The following MED13L variants were observed in gnomAD, a reference collection of about 807,000 sequenced individuals.
MED13L encodes mediator complex subunit 13L, also known as mediator of RNA polymerase II transcription subunit 13-like.
In MED13L, 7 loss-of-function variants were observed where a neutral mutation model predicts 220.9. The observed-to-expected ratio is 0.03, with a 90% confidence interval of 0.02 to 0.06. The LOEUF is 0.06. MED13L is among the 10% of genes least tolerant of loss of function. The probability of loss-of-function intolerance (pLI) is 1.00; values close to 1 mark genes in which losing one functional copy is unlikely to be tolerated. For missense variants in MED13L, 1,965 were observed against 2,760.5 expected (o/e 0.71, Z 6.46); for synonymous variants, 1,011 against 1,015.2 (o/e 1.00, Z 0.08).
intron 1 of MED13L, among the ~76,000 whole-genome samples, chr12:116,243,079 C>G (rs895670028): frequency 1.2e-4 from 19 of 152,182 alleles, no homozygotes; most frequent in African/African-American, 4.1e-4. Context: ...TTTTATTTCA[C>G]TCAGATAATT....
intron 2 of MED13L, among the ~76,000 whole-genome samples, chr12:116,128,176 G>A (rs1001462380): frequency 1.3e-5 from 2 of 152,106 alleles, no homozygotes; most frequent in African/African-American, 2.4e-5. Context: ...ATGTCAGCAC[G>A]ATATGTACAA....
intron 2 of MED13L, among the ~76,000 whole-genome samples, chr12:116,207,046 CTAGG>C (rs940302631): frequency 3.2e-4 from 48 of 152,162 alleles, no homozygotes; most frequent in African/African-American, 1.1e-3. Flanking sequence ...AAGAAAATCT[CTAGG>C]TATACGAATA....
chr12:116,024,716 G>T (rs1880263708), intron 4 of MED13L, among the ~76,000 whole-genome samples: 1 of 133,610 alleles, frequency 7.5e-6, no homozygotes, highest in Non-Finnish European at 1.5e-5. Context: ...CAATGAATGT[G>T]AAGAAGGATT....
At chr12:116,213,698 C>G (rs1477220453) in intron 2 of MED13L, among the ~76,000 whole-genome samples, 1 of 152,226 alleles carries the variant, frequency 6.6e-6, no homozygotes, top group Non-Finnish European at 1.5e-5. Context: ...CAGGCGTGAG[C>G]CACCGCATCC....
At chr12:116,031,761 AAGGAAGGAAGG>A (rs572729618) in intron 4 of MED13L, among the ~76,000 whole-genome samples, 2 of 123,832 alleles carry the variant, frequency 1.6e-5, no homozygotes, top group South Asian at 2.7e-4. Flanking sequence ...AAAAGAAAAG[AAGGAAGGAAGG>A]AAGGAAGGAA....
chr12:116,271,204 C>G (rs190734239), intron 1 of MED13L, among the ~76,000 whole-genome samples: 9 of 149,674 alleles, frequency 6.0e-5, no homozygotes, highest in Non-Finnish European at 1.0e-4. Flanking sequence ...GAAACAAATA[C>G]GTGTGTGTGT....
intron 2 of MED13L, among the ~76,000 whole-genome samples, chr12:116,113,610 C>A (rs1874268643): frequency 6.7e-6 from 1 of 150,006 alleles, no homozygotes; most frequent in African/African-American, 2.5e-5. Flanking sequence ...AAGCCATGAT[C>A]ATGCCACCAC....
chr12:116,000,274 A>G (rs1304805825), intron 14 of MED13L, among the ~76,000 whole-genome samples: 2 of 152,212 alleles, frequency 1.3e-5, no homozygotes, highest in Non-Finnish European at 2.9e-5. Flanking sequence ...TGGTCCTCCA[A>G]AATAGAAACA....
chr12:116,025,958 T>C (rs554500219), intron 4 of MED13L, among the ~76,000 whole-genome samples: 28 of 152,302 alleles, frequency 1.8e-4, no homozygotes, highest in South Asian at 4.1e-4. Context: ...AAGCATCACT[T>C]TGTAGCTCAT....
At chr12:116,215,906 ATTCTC>A (rs1025890865) in intron 2 of MED13L, among the ~76,000 whole-genome samples, 2 of 152,088 alleles carry the variant, frequency 1.3e-5, no homozygotes, top group East Asian at 1.9e-4. Flanking sequence ...TGTTCACCTA[ATTCTC>A]TTCTCAAGAC....
chr12:116,012,731 A>C (rs1879490725), intron 9 of MED13L, 66 bp downstream of exon 9: 1 of 1,110,390 alleles, frequency 9.0e-7, no homozygotes, highest in Admixed American at 1.7e-5. Context: ...CTGTGAGGCC[A>C]GGAGATGAAT....
At chr12:116,276,370 TAGAGAA>T in intron 1 of MED13L, 2 of 1,016,756 alleles carry the variant, frequency 2.0e-6, no homozygotes, top group South Asian at 2.7e-5. Flanking sequence ...GTTGTTAGGA[TAGAGAA>T]AAACAGTTTT....
At chr12:116,016,360 A>G (rs1477146672) in intron 7 of MED13L, among the ~76,000 whole-genome samples, 4 of 152,174 alleles carry the variant, frequency 2.6e-5, no homozygotes, top group Non-Finnish European at 5.9e-5. Flanking sequence ...CTTTCCGATA[A>G]AAGTATTACT....
chr12:116,259,196 G>A (rs1429443815), intron 1 of MED13L, among the ~76,000 whole-genome samples: 1 of 152,104 alleles, frequency 6.6e-6, no homozygotes, highest in Non-Finnish European at 1.5e-5. Flanking sequence ...TAATAAAAAT[G>A]AGTAAACTAT....
intron 14 of MED13L, among the ~76,000 whole-genome samples, chr12:115,998,457 T>TACCC (rs1878541507): frequency 6.6e-6 from 1 of 152,246 alleles, no homozygotes; most frequent in Non-Finnish European, 1.5e-5. Flanking sequence ...TGCTCACGGC[T>TACCC]ACCCAGTCCA....
chr12:116,215,553 G>A (rs1882942381), intron 2 of MED13L, among the ~76,000 whole-genome samples: 1 of 152,124 alleles, frequency 6.6e-6, no homozygotes, highest in African/African-American at 2.4e-5. Context: ...AAAGTGCTGG[G>A]ATCGTATCTT....
intron 2 of MED13L, among the ~76,000 whole-genome samples, chr12:116,210,109 A>G (rs1882595538): frequency 6.6e-6 from 1 of 152,176 alleles, no homozygotes; most frequent in African/African-American, 2.4e-5. Context: ...GAGATAAAAC[A>G]TTGTGGGAAA....
intron 2 of MED13L, among the ~76,000 whole-genome samples, chr12:116,196,331 T>C (rs8181760): frequency 0.015 from 2,267 of 152,086 alleles, 112 homozygotes; most frequent in Admixed American, 0.087. Context: ...CTCTGGGTGT[T>C]TCCACAGAGC....
In MED13L at chr12:115,996,543, C is replaced by G; in HGVS notation, c.2929G>C (p.Ala977Pro). The G allele has an allele frequency of 6.2e-7, 1 of 1,614,148 alleles. No individual in the cohort carries two copies. The highest frequency in any genetic ancestry group is 8.5e-7 in the Non-Finnish European group (1 of 1,180,024). The change falls in exon 16 of 31, where the codon GCA becomes CCA. Residue 977 changes from alanine to proline, a missense_variant. Physicochemically the swap from Ala to Pro is conservative, Grantham distance 27. Coordinates refer to ENST00000281928, the MANE Select transcript of MED13L (RefSeq NM_015335.5). ...AGTTGTTCAATTTTAGGAGGAATTG[C>G]CCATGAAGGCCGAAACAGACAGGCA... is the stretch of plus-strand genomic sequence containing the variant. ...PDACLFRPSW[A>P]IPPKIEQLPM...
Sources: gnomAD v4.1 joint callset for allele counts (sites outside exome capture counted in the v4.1 genomes callset) on GRCh38, gnomAD v4.1.1 for gene constraint, MANE v1.5 for transcripts, NCBI Gene and HGNC (gene_info 2026-07-23, HGNC 2026-07-21) for gene names.